The following LRP1B variants were observed in gnomAD, a reference collection of about 807,000 sequenced individuals.
The protein encoded by LRP1B is low-density lipoprotein receptor-related protein 1B.
LRP1B carries 217 observed loss-of-function variants against 556.6 expected under a neutral mutation model. The observed-to-expected ratio is 0.39, with a 90% CI of 0.35 to 0.44. LRP1B has a LOEUF of 0.44. Ranked by LOEUF, LRP1B falls within the 20% of genes least tolerant of loss-of-function variation. The probability of loss-of-function intolerance (pLI) is 1.00; values close to 1 mark genes in which losing one functional copy is unlikely to be tolerated. For missense variants in LRP1B, 5,053 were observed against 5,620.8 expected (o/e 0.90, Z 3.23); for synonymous variants, 2,047 against 1,865.8 (o/e 1.10, Z -2.50).
intron 41 of LRP1B, among the ~76,000 whole-genome samples, chr2:140,629,014 T>C (rs1357448675): frequency 2.6e-5 from 4 of 152,172 alleles, no homozygotes; most frequent in Admixed American, 1.3e-4. Flanking sequence ...AAACCAACTA[T>C]ACCTTCTTTC....
intron 35 of LRP1B, among the ~76,000 whole-genome samples, chr2:140,766,833 A>ATTT (rs1480624131): frequency 0.066 from 2,080 of 31,548 alleles, 74 homozygotes; most frequent in African/African-American, 0.12. Flanking sequence ...ATATATATAT[A>ATTT]TATATATATA....
intron 41 of LRP1B, among the ~76,000 whole-genome samples, chr2:140,622,636 T>TTTTTTTTTTTTTTTTTTTTTTGAG (rs1683495617): frequency 6.6e-6 from 1 of 152,212 alleles, no homozygotes; most frequent in African/African-American, 2.4e-5. Flanking sequence ...ATTAATTTTT[T>TTTTTTTTTTTTTTTTTTTTTTGAG]ACCCTTCCAC....
chr2:141,607,544 C>T (rs781419575), intron 2 of LRP1B, among the ~76,000 whole-genome samples: 5 of 152,176 alleles, frequency 3.3e-5, no homozygotes, highest in Admixed American at 2.6e-4. Flanking sequence ...TCTCCCTTCC[C>T]ATCCCTCTAA....
chr2:141,213,782 A>T (rs146662515), intron 6 of LRP1B, among the ~76,000 whole-genome samples: 59 of 152,286 alleles, frequency 3.9e-4, no homozygotes, highest in Middle Eastern at 3.4e-3. Context: ...AATAGTTTCT[A>T]TACTGTATTG....
At chr2:140,932,024 C>A (rs995987897) in intron 20 of LRP1B, among the ~76,000 whole-genome samples, 2 of 151,956 alleles carry the variant, frequency 1.3e-5, no homozygotes, top group African/African-American at 2.4e-5. Flanking sequence ...CAAATATTTT[C>A]TAGGAAAAAA....
intron 41 of LRP1B, among the ~76,000 whole-genome samples, chr2:140,654,224 G>T (rs764532792): frequency 1.2e-4 from 18 of 151,898 alleles, no homozygotes; most frequent in Non-Finnish European, 2.5e-4. Context: ...TGCTTTTCTG[G>T]ATTGTTACAC....
At chr2:142,015,240 T>G (rs1703081645) in intron 1 of LRP1B, among the ~76,000 whole-genome samples, 1 of 152,142 alleles carries the variant, frequency 6.6e-6, no homozygotes, top group African/African-American at 2.4e-5. Context: ...GCAGCTGACC[T>G]TTGACAAACC....
chr2:141,320,452 G>A (rs939661772), intron 3 of LRP1B, among the ~76,000 whole-genome samples: 1 of 151,950 alleles, frequency 6.6e-6, no homozygotes, highest in Non-Finnish European at 1.5e-5. Context: ...GGGCGGTGAG[G>A]GGAGAAAAGA....
At chr2:141,785,245 A>G (rs1574356859) in intron 2 of LRP1B, among the ~76,000 whole-genome samples, 1 of 151,980 alleles carries the variant, frequency 6.6e-6, no homozygotes, top group Non-Finnish European at 1.5e-5. Context: ...ATCATGAAAC[A>G]GAGTCATCAG....
At position 140,536,664 on chromosome 2, in the gene LRP1B, T is replaced by G; in HGVS notation, c.7559A>C (p.Asn2520Thr). ...GAGCTGGTAGTCAATGCACTCACCA[T>G]TTCCACATTCAAACTCCGAATAAGC... Reference protein sequence around the residue: ...CNAYSEFECGNGECIDYQLTC... With the variant: ...CNAYSEFECGTGECIDYQLTC... Residue 2520 changes from asparagine to threonine, a missense_variant, in exon 46 of 91, where the codon AAT becomes ACT. Coordinates refer to ENST00000389484, the MANE Select transcript of LRP1B (RefSeq NM_018557.3). 2 of 1,610,940 alleles carry G rather than the reference T, an allele frequency of 1.2e-6. No homozygotes were observed. The highest frequency in any genetic ancestry group is 1.7e-6 in the Non-Finnish European group (2 of 1,178,562).
intron 32 of LRP1B, among the ~76,000 whole-genome samples, chr2:140,805,419 T>A (rs1268905980): frequency 1.3e-5 from 2 of 152,124 alleles, no homozygotes; most frequent in Non-Finnish European, 2.9e-5. Context: ...ATTCTAAGAT[T>A]TGATGGTTGT....
intron 1 of LRP1B, among the ~76,000 whole-genome samples, chr2:142,050,951 A>G (rs1169548173): frequency 6.6e-6 from 1 of 152,176 alleles, no homozygotes. Context: ...AAAAAGAGCA[A>G]TATTAATATT....
At chr2:141,115,452 G>GTTTTTTTTT (rs1364204085) in intron 7 of LRP1B, among the ~76,000 whole-genome samples, 28 of 90,594 alleles carry the variant, frequency 3.1e-4, no homozygotes, top group South Asian at 4.3e-4. Context: ...ATAGGTTTTT[G>GTTTTTTTTT]TTTTTGTTTT....
intron 71 of LRP1B, among the ~76,000 whole-genome samples, chr2:140,366,415 C>T (rs573272089): frequency 5.3e-5 from 8 of 151,656 alleles, no homozygotes; most frequent in South Asian, 2.1e-4. Flanking sequence ...TTTGAGGTAC[C>T]GGTCCATGTG....
At chr2:141,272,545 G>A (rs1020764096) in intron 3 of LRP1B, among the ~76,000 whole-genome samples, 3 of 152,006 alleles carry the variant, frequency 2.0e-5, no homozygotes, top group Non-Finnish European at 4.4e-5. Context: ...AAAAACTTCA[G>A]ATCAGACTAT....
chr2:140,577,419 GA>G (rs1195606512), intron 43 of LRP1B, among the ~76,000 whole-genome samples: 1 of 129,162 alleles, frequency 7.7e-6, no homozygotes, highest in African/African-American at 2.6e-5. Context: ...ATCCACTACT[GA>G]ATTTTTTTTT....
chr2:140,541,699 T>C (rs1680138213), intron 44 of LRP1B, 80 bp downstream of exon 44: 1 of 1,085,592 alleles, frequency 9.2e-7, no homozygotes, highest in Non-Finnish European at 1.3e-6. Flanking sequence ...AATCCAACTA[T>C]TACTAGAAAA....
At chr2:141,307,907 T>C (rs1686659976) in intron 3 of LRP1B, among the ~76,000 whole-genome samples, 2 of 152,112 alleles carry the variant, frequency 1.3e-5, no homozygotes, top group South Asian at 2.1e-4. Context: ...GCAGTACCAG[T>C]GGCAGGCCCA....
intron 72 of LRP1B, 27 bp downstream of exon 72, chr2:140,364,634 A>T (rs1033733850): frequency 1.2e-6 from 2 of 1,605,064 alleles, no homozygotes; most frequent in African/African-American, 2.7e-5. Context: ...ATAAAAGTAT[A>T]ATCTAGAGCC....
Sources: gnomAD v4.1 joint callset for allele counts (sites outside exome capture counted in the v4.1 genomes callset) on GRCh38, gnomAD v4.1.1 for gene constraint, MANE v1.5 for transcripts, NCBI Gene and HGNC (gene_info 2026-07-23, HGNC 2026-07-21) for gene names.